Variants in WDR70 observed in about 807,000 individuals in gnomAD.
WDR70 encodes the protein WD repeat-containing protein 70.
Under a neutral mutation model 88.6 loss-of-function variants are expected in WDR70, and 53 were observed. The observed-to-expected ratio is 0.60, with a 90% CI of 0.48 to 0.75. WDR70 has a LOEUF of 0.75. WDR70 is among the 30% of genes least tolerant of loss of function. The probability of loss-of-function intolerance (pLI) is 0.00; values close to 1 mark genes in which losing one functional copy is unlikely to be tolerated. For synonymous variants in WDR70, 280 were observed against 270.0 expected, an observed-to-expected ratio of 1.04 and a Z score of -0.36; for missense variants, 610 against 823.2, an observed-to-expected ratio of 0.74 and a Z score of 3.17.
chr5:37,696,974 T>C (rs1747002552), intron 10 of WDR70, among the ~76,000 whole-genome samples: 1 of 152,216 alleles, frequency 6.6e-6, no homozygotes, highest in Admixed American at 6.5e-5. Context: ...AACCCCCAGC[T>C]CTACTACTTA....
intron 17 of WDR70, among the ~76,000 whole-genome samples, chr5:37,749,795 T>C (rs986234655): frequency 2.0e-5 from 3 of 149,048 alleles, no homozygotes; most frequent in Admixed American, 1.3e-4. Flanking sequence ...GATGCAAACA[T>C]TTACTCAATG....
At chr5:37,687,878 A>T in intron 10 of WDR70, 1 of 644,062 alleles carries the variant, frequency 1.6e-6, no homozygotes, top group Non-Finnish European at 2.9e-6. Flanking sequence ...AGGGAGCATC[A>T]GATTCACAAT....
At chr5:37,692,928 C>T (rs938639952) in intron 10 of WDR70, among the ~76,000 whole-genome samples, 9 of 152,234 alleles carry the variant, frequency 5.9e-5, no homozygotes, top group South Asian at 2.1e-4. Flanking sequence ...GTCAGATTGT[C>T]CCTATTTGCA....
intron 5 of WDR70, among the ~76,000 whole-genome samples, chr5:37,427,409 AAAAG>A (rs1750163678): frequency 6.6e-6 from 1 of 152,098 alleles, no homozygotes; most frequent in African/African-American, 2.4e-5. Context: ...AATAAAAAAA[AAAAG>A]AAACACGTCA....
intron 9 of WDR70, among the ~76,000 whole-genome samples, chr5:37,555,020 A>G (rs1439363821): frequency 1.3e-5 from 2 of 152,176 alleles, no homozygotes; most frequent in African/African-American, 2.4e-5. Flanking sequence ...TTTTATTATG[A>G]TTATTGATAA....
At chr5:37,443,431 C>T (rs1041478705) in intron 7 of WDR70, 59 bp downstream of exon 7, 8 of 1,594,204 alleles carry the variant, frequency 5.0e-6, no homozygotes, top group African/African-American at 4.0e-5. Flanking sequence ...CATTGGAAGA[C>T]AGTGCTGTTG....
chr5:37,592,411 T>C (rs1464913322), intron 9 of WDR70, among the ~76,000 whole-genome samples: 6 of 149,696 alleles, frequency 4.0e-5, no homozygotes, highest in Non-Finnish European at 8.9e-5. Context: ...TTACACTTAT[T>C]CATACATAAG....
At chr5:37,685,837 T>C (rs1746574630) in intron 10 of WDR70, among the ~76,000 whole-genome samples, 1 of 152,108 alleles carries the variant, frequency 6.6e-6, no homozygotes, top group Non-Finnish European at 1.5e-5. Context: ...CTTCACCTGC[T>C]CCCCAGGAGT....
At chr5:37,479,276 G>C (rs1190232708) in intron 7 of WDR70, among the ~76,000 whole-genome samples, 5 of 151,938 alleles carry the variant, frequency 3.3e-5, no homozygotes, top group Non-Finnish European at 7.4e-5. Flanking sequence ...GGAGATATAA[G>C]GTAATTAGAG....
At chr5:37,431,628 T>C (rs1432490919) in intron 5 of WDR70, among the ~76,000 whole-genome samples, 1 of 152,232 alleles carries the variant, frequency 6.6e-6, no homozygotes, top group East Asian at 1.9e-4. Context: ...TATTGTTACA[T>C]ATATTCACAT....
chr5:37,726,854 C>T (rs1230103482), intron 16 of WDR70, 29 bp from the exon 17 acceptor site: 1 of 1,568,390 alleles, frequency 6.4e-7, no homozygotes, highest in Non-Finnish European at 8.6e-7. Context: ...CATTCAGTTT[C>T]TAATTTGGTT....
intron 9 of WDR70, among the ~76,000 whole-genome samples, chr5:37,581,496 A>G (rs542331395): frequency 1.3e-5 from 2 of 152,196 alleles, no homozygotes; most frequent in African/African-American, 4.8e-5. Flanking sequence ...TCATTTTTCT[A>G]TACTGTTACT....
At chr5:37,467,686 C>T (rs1739200073) in intron 7 of WDR70, among the ~76,000 whole-genome samples, 1 of 151,798 alleles carries the variant, frequency 6.6e-6, no homozygotes, top group African/African-American at 2.4e-5. Context: ...AAGGTGCCCG[C>T]CACTGCGCCC....
intron 5 of WDR70, 152 bp downstream of exon 5, chr5:37,396,722 T>A: frequency 7.5e-7 from 1 of 1,333,166 alleles, no homozygotes; most frequent in Admixed American, 3.1e-5. Context: ...TCCCAGTTAC[T>A]TGGAAGGCTG....
At chr5:37,616,900 C>T (rs1744360785) in intron 10 of WDR70, among the ~76,000 whole-genome samples, 1 of 152,030 alleles carries the variant, frequency 6.6e-6, no homozygotes, top group Non-Finnish European at 1.5e-5. Flanking sequence ...AATCATTGTT[C>T]CTTAAACTTA....
At chr5:37,620,776 T>A (rs528019986) in intron 10 of WDR70, among the ~76,000 whole-genome samples, 2 of 152,194 alleles carry the variant, frequency 1.3e-5, no homozygotes, top group African/African-American at 4.8e-5. Context: ...CCTTGTGAGA[T>A]AGGCAAGGCT....
At chr5:37,614,692 G>A (rs1021170744) in intron 10 of WDR70, among the ~76,000 whole-genome samples, 9 of 152,128 alleles carry the variant, frequency 5.9e-5, no homozygotes, top group Admixed American at 4.6e-4. Flanking sequence ...GGTCCTCAAA[G>A]CCTAAGATAC....
chr5:37,391,933 T>C, intron 3 of WDR70, 67 bp from the exon 4 acceptor site: 2 of 1,524,862 alleles, frequency 1.3e-6, no homozygotes, highest in Non-Finnish European at 1.8e-6. Context: ...TTAGCCTTTC[T>C]AATACTAACA....
At chr5:37,655,766 T>C (rs147556907) in intron 10 of WDR70, among the ~76,000 whole-genome samples, 203 of 152,074 alleles carry the variant, frequency 1.3e-3, no homozygotes, top group Non-Finnish European at 2.4e-3. Flanking sequence ...GAAGTTCTTG[T>C]GCTGTGTTTT....
Sources: gnomAD v4.1 joint callset for allele counts (sites outside exome capture counted in the v4.1 genomes callset) on GRCh38, gnomAD v4.1.1 for gene constraint, MANE v1.5 for transcripts, NCBI Gene and HGNC (gene_info 2026-07-23, HGNC 2026-07-21) for gene names.